The following CCSER2 variants were observed in gnomAD, a reference collection of about 807,000 sequenced individuals.
The protein encoded by CCSER2 is coiled-coil serine rich protein 2, also known as serine-rich coiled-coil domain-containing protein 2.
CCSER2 carries 46 observed loss-of-function variants against 92.3 expected under a neutral mutation model. The ratio of observed to expected loss-of-function variants is 0.50; its 90% CI spans 0.39 to 0.64. The LOEUF (loss-of-function observed/expected upper bound fraction) is 0.64. Ranked by LOEUF, CCSER2 falls within the 30% of genes least tolerant of loss-of-function variation. The pLI is 0.00. For synonymous variants in CCSER2, 433 were observed against 431.4 expected (o/e 1.00, Z -0.04); for missense variants, 1,244 against 1,238.9 (o/e 1.00, Z -0.06).
chr10:84,509,398 G>T (rs940411568), intron 9 of CCSER2, among the ~76,000 whole-genome samples: 3 of 152,096 alleles, frequency 2.0e-5, no homozygotes, highest in Admixed American at 1.3e-4. Flanking sequence ...ATAAAGCATG[G>T]TACATGCCTG....
Position 84,371,492 on chromosome 10 carries a change from C to G in CCSER2, c.440C>G (p.Ser147Cys). 1.2e-6 allele frequency: 2 copies of G among 1,613,858 alleles called. No homozygotes were observed. The highest frequency in any genetic ancestry group is 8.5e-7 in the Non-Finnish European group (1 of 1,179,854). ...AACCAAAAGTCTTTTTCTGGACCATCTAATTTGGGTAAATTCACCAAAGGC... is the reference window on the plus strand; with the variant it reads ...AACCAAAAGTCTTTTTCTGGACCATGTAATTTGGGTAAATTCACCAAAGGC... ...ELNQKSFSGP[S>C]NLGKFTKGTL... Residue 147 changes from serine to cysteine, a missense_variant, in exon 2 of 10, where the codon TCT becomes TGT. Transcript: ENST00000372088.
At chr10:84,429,888 A>G (rs1843670695) in intron 5 of CCSER2, among the ~76,000 whole-genome samples, 1 of 152,042 alleles carries the variant, frequency 6.6e-6, no homozygotes, top group South Asian at 2.1e-4. Context: ...AAAAAAATAC[A>G]AATAATGTGA....
At chr10:84,494,784 G>C (rs1039049825) in intron 9 of CCSER2, among the ~76,000 whole-genome samples, 1 of 152,148 alleles carries the variant, frequency 6.6e-6, no homozygotes, top group African/African-American at 2.4e-5. Flanking sequence ...ATATTTGGGA[G>C]ACCAAAGTAT....
At chr10:84,405,553 C>T (rs550107843) in intron 3 of CCSER2, among the ~76,000 whole-genome samples, 16 of 152,260 alleles carry the variant, frequency 1.1e-4, no homozygotes, top group African/African-American at 3.4e-4. Flanking sequence ...TTGTGACTCA[C>T]ATATCTGTCA....
Position 84,420,932 on chromosome 10 carries a change from C to CAAAAA in CCSER2, c.1705+3084_1705+3088dup, listed in dbSNP as rs59244448. ...TGGGCGACAGAGCGAGACTCCATCT[C>CAAAAA]AAAAAAAAAAAAAAAAAGGTTTAGA... is the stretch of plus-strand genomic sequence containing the variant. On this transcript the variant is annotated intron_variant, in intron 4 of 9. Transcript: ENST00000372088. Among the ~76,000 whole-genome samples the CAAAAA allele has an allele frequency of 1.5e-4, 13 of 84,826 alleles. 1 individual carries two copies. The highest frequency in any genetic ancestry group is 4.2e-4 in the African/African-American group (9 of 21,542). The allele number at this position is 84,826 out of a possible 152,430, so 55.6% of individuals were successfully genotyped here.
intron 9 of CCSER2, among the ~76,000 whole-genome samples, chr10:84,481,607 A>G (rs927599503): frequency 6.6e-6 from 1 of 152,146 alleles, no homozygotes; most frequent in Non-Finnish European, 1.5e-5. Flanking sequence ...CATTTAGGGC[A>G]AGACAAAGGT....
intron 5 of CCSER2, among the ~76,000 whole-genome samples, chr10:84,433,649 A>G (rs1346913163): frequency 6.6e-6 from 1 of 152,236 alleles, no homozygotes. Flanking sequence ...ACTGCATTAA[A>G]TAATTATGCA....
chr10:84,480,855 C>T (rs941762119), intron 9 of CCSER2, among the ~76,000 whole-genome samples: 10 of 152,100 alleles, frequency 6.6e-5, no homozygotes, highest in East Asian at 5.8e-4. Context: ...TTTTAACCTA[C>T]GTAGGTAGTG....
At chr10:84,420,894 C>G (rs1476675152) in intron 4 of CCSER2, among the ~76,000 whole-genome samples, 1 of 149,562 alleles carries the variant, frequency 6.7e-6, no homozygotes, top group African/African-American at 2.5e-5. Flanking sequence ...GATCACGCTA[C>G]TGCACTCCAG....
chr10:84,425,939 T>C, intron 5 of CCSER2, 46 bp downstream of exon 5: 1 of 1,320,276 alleles, frequency 7.6e-7, no homozygotes, highest in Non-Finnish European at 1.0e-6. Flanking sequence ...CCTCTGATTT[T>C]GAATTATAAT....
chr10:84,377,197 T>C (rs1846385127), intron 3 of CCSER2, among the ~76,000 whole-genome samples: 2 of 152,188 alleles, frequency 1.3e-5, no homozygotes, highest in African/African-American at 4.8e-5. Flanking sequence ...TTTGATATTG[T>C]CCAGTTTTAC....
intron 1 of CCSER2, among the ~76,000 whole-genome samples, chr10:84,351,229 TTTTTTTG>T (rs1333347478): frequency 2.6e-5 from 4 of 151,900 alleles, no homozygotes; most frequent in African/African-American, 9.6e-5. Context: ...TAGGGAGAAG[TTTTTTTG>T]TTTTTTGTTT....
intron 1 of CCSER2, among the ~76,000 whole-genome samples, chr10:84,331,775 C>T (rs1338052764): frequency 6.6e-6 from 1 of 152,122 alleles, no homozygotes; most frequent in Non-Finnish European, 1.5e-5. Context: ...AATTTTTCTT[C>T]TTATTTCTTG....
intron 3 of CCSER2, among the ~76,000 whole-genome samples, chr10:84,383,317 T>C: frequency 6.6e-6 from 1 of 152,102 alleles, no homozygotes; most frequent in East Asian, 1.9e-4. Context: ...TTTATTTATT[T>C]ATTTTTATTT....
At chr10:84,449,753 A>G (rs1356880708) in intron 6 of CCSER2, among the ~76,000 whole-genome samples, 1 of 151,912 alleles carries the variant, frequency 6.6e-6, no homozygotes, top group Non-Finnish European at 1.5e-5. Flanking sequence ...AGGCTGAGAC[A>G]GGAGAATTGC....
chr10:84,361,874 A>G (rs547483916), intron 1 of CCSER2, among the ~76,000 whole-genome samples: 1 of 152,244 alleles, frequency 6.6e-6, no homozygotes, highest in African/African-American at 2.4e-5. Flanking sequence ...TCCCGACCTC[A>G]GGTGATCCGC....
chr10:84,391,369 A>G (rs1841509175), intron 3 of CCSER2: 1 of 1,452,196 alleles, frequency 6.9e-7, no homozygotes, highest in African/African-American at 1.4e-5. Context: ...TGGTAGCCCA[A>G]AGTAACATCC....
chr10:84,410,887 A>G lies in CCSER2; in HGVS notation c.1615-6884A>G, dbSNP rs1331230314. 4.6e-5 allele frequency among the ~76,000 whole-genome samples: 7 copies of G among 152,082 alleles called. No homozygotes were observed. The East Asian group carries it at 1.2e-3, about 25-fold the overall frequency. On this transcript the variant is annotated intron_variant, in intron 3 of 9. Coordinates refer to ENST00000372088, the MANE Select transcript of CCSER2 (RefSeq NM_001284240.2). ...GCCTAGATTTTCTTCTAGGGTTTTT[A>G]TAGTTTTGGGTTTTACATTTAAGTC...
intron 1 of CCSER2, among the ~76,000 whole-genome samples, chr10:84,341,812 T>C (rs1844203544): frequency 6.6e-6 from 1 of 152,190 alleles, no homozygotes; most frequent in Admixed American, 6.6e-5. Flanking sequence ...ACTTCACTTA[T>C]GTTTGCCCAT....
Sources: allele counts gnomAD v4.1 joint callset (sites outside exome capture counted in the v4.1 genomes callset), GRCh38; gene constraint gnomAD v4.1.1; transcripts MANE v1.5; gene names NCBI Gene and HGNC (gene_info 2026-07-23, HGNC 2026-07-21).